Variants in SEZ6L observed in about 807,000 individuals in gnomAD.
SEZ6L encodes seizure related 6 homolog like.
SEZ6L carries 37 observed loss-of-function variants against 106.2 expected under a neutral mutation model. The ratio of observed to expected loss-of-function variants is 0.35; its 90% CI spans 0.27 to 0.46. SEZ6L has a LOEUF of 0.46. Among genes scored for constraint, SEZ6L ranks in the 20% least tolerant of loss-of-function variants. SEZ6L has a pLI of 1.00. For synonymous variants in SEZ6L, 541 were observed against 570.4 expected (o/e 0.95, Z 0.73); for missense variants, 1,172 against 1,332.8 (o/e 0.88, Z 1.88).
chr22:26,253,362 C>A (rs2079676257), intron 1 of SEZ6L, among the ~76,000 whole-genome samples: 1 of 152,188 alleles, frequency 6.6e-6, no homozygotes, highest in South Asian at 2.1e-4. Context: ...GGTACTGCTG[C>A]TGCTGCTGAT....
At chr22:26,280,518 T>G (rs2145857567) in intron 1 of SEZ6L, among the ~76,000 whole-genome samples, 1 of 152,306 alleles carries the variant, frequency 6.6e-6, no homozygotes, top group South Asian at 2.1e-4. Flanking sequence ...TGCACCTTGG[T>G]TTTTGTTTTC....
chr22:26,364,304 A>C (rs1009424098), intron 12 of SEZ6L, among the ~76,000 whole-genome samples: 8 of 152,110 alleles, frequency 5.3e-5, no homozygotes, highest in African/African-American at 1.9e-4. Flanking sequence ...TTAAACCTGC[A>C]GGTTCAACTC....
At chr22:26,257,111 A>T (rs907451960) in intron 1 of SEZ6L, among the ~76,000 whole-genome samples, 1 of 152,200 alleles carries the variant, frequency 6.6e-6, no homozygotes, top group Non-Finnish European at 1.5e-5. Flanking sequence ...TACTGCTGGC[A>T]TCTAGAGGGT....
rs134759 is a variant in SEZ6L, at chr22:26,177,274, G to T, written c.94+7511G>T. Among the ~76,000 whole-genome samples, 3 of 152,032 alleles carry T rather than the reference G, an allele frequency of 2.0e-5. No individual in the cohort carries two copies. The South Asian group carries it at 6.2e-4, about 32-fold the overall frequency. On this transcript the variant is annotated intron_variant, in intron 1 of 16. Coordinates refer to ENST00000248933, the MANE Select transcript of SEZ6L (RefSeq NM_021115.5). ...GAAAACCAATGAGATAATAGATGTG[G>T]AATCACTAAGTAACTCTACAAAAAA... is the stretch of plus-strand genomic sequence containing the variant.
In SEZ6L at chr22:26,250,633, T is replaced by A. The variant is rs2079542644; in HGVS notation, c.95-41773T>A. Among the ~76,000 whole-genome samples, 5 of 152,368 alleles carry A rather than the reference T, an allele frequency of 3.3e-5. No individual in the cohort carries two copies. In the South Asian group the frequency reaches 1.0e-3, roughly 32 times the overall value. ...TTTGTTCTTTTTGCTCAGGATTGCT[T>A]TGGCTATTCGGGATCTTTTGTGCTT... On this transcript the variant is annotated intron_variant, in intron 1 of 16. Coordinates refer to ENST00000248933, the MANE Select transcript of SEZ6L (RefSeq NM_021115.5).
intron 1 of SEZ6L, among the ~76,000 whole-genome samples, chr22:26,178,203 T>C (rs907261072): frequency 1.3e-5 from 2 of 152,198 alleles, no homozygotes; most frequent in African/African-American, 4.8e-5. Context: ...AATCAAGCCA[T>C]AGCTCCCTCC....
At chr22:26,213,552 C>A (rs2078219525) in intron 1 of SEZ6L, among the ~76,000 whole-genome samples, 1 of 152,230 alleles carries the variant, frequency 6.6e-6, no homozygotes, top group South Asian at 2.1e-4. Context: ...CCGGGGCTAT[C>A]CCTGCAAGTT....
intron 12 of SEZ6L, among the ~76,000 whole-genome samples, chr22:26,353,328 G>GT (rs1199404731): frequency 6.6e-6 from 1 of 152,132 alleles, no homozygotes; most frequent in African/African-American, 2.4e-5. Flanking sequence ...TTTTGTGTAT[G>GT]TGTGTGTATA....
chr22:26,213,953 G>A (rs2078230562), intron 1 of SEZ6L, among the ~76,000 whole-genome samples: 1 of 152,202 alleles, frequency 6.6e-6, no homozygotes, highest in Non-Finnish European at 1.5e-5. Flanking sequence ...AAGATCTTGA[G>A]CAAGGATGGA....
chr22:26,301,213 G>GC (rs2081443420), intron 5 of SEZ6L, among the ~76,000 whole-genome samples: 1 of 152,224 alleles, frequency 6.6e-6, no homozygotes, highest in Non-Finnish European at 1.5e-5. Flanking sequence ...GTGCCCTCTA[G>GC]TAAAAAGAAG....
chr22:26,291,040 G>A (rs2081091287), intron 1 of SEZ6L, among the ~76,000 whole-genome samples: 1 of 152,162 alleles, frequency 6.6e-6, no homozygotes, highest in African/African-American at 2.4e-5. Flanking sequence ...TCAAAGATCT[G>A]GAACCAGAAA....
intron 9 of SEZ6L, among the ~76,000 whole-genome samples, chr22:26,327,330 C>A (rs368602679): frequency 3.6e-5 from 4 of 112,024 alleles, no homozygotes; most frequent in East Asian, 2.5e-4. Flanking sequence ...CCACACACAC[C>A]CCCACACACA....
chr22:26,250,479 T>C (rs954874398), intron 1 of SEZ6L, among the ~76,000 whole-genome samples: 2 of 152,214 alleles, frequency 1.3e-5, no homozygotes, highest in African/African-American at 2.4e-5. Flanking sequence ...TGTAAATACA[T>C]GGATTCATTT....
At chr22:26,217,873 T>C (rs1388479597) in intron 1 of SEZ6L, among the ~76,000 whole-genome samples, 3 of 152,256 alleles carry the variant, frequency 2.0e-5, no homozygotes, top group Non-Finnish European at 2.9e-5. Context: ...CTTTCTTTCA[T>C]GAGAGTTGAA....
chr22:26,231,219 G>A (rs1426924285), intron 1 of SEZ6L, among the ~76,000 whole-genome samples: 2 of 152,208 alleles, frequency 1.3e-5, no homozygotes, highest in East Asian at 1.9e-4. Flanking sequence ...AAATTAAGGG[G>A]TGGTTTATGC....
Position 26,313,714 on chromosome 22 carries a change from T to A in SEZ6L, c.1877-50T>A, listed in dbSNP as rs761876549. The stretch of plus-strand genomic sequence containing the variant: ...CACATGGTTAGCCGCTATGCCACAT[T>A]GACTTCTTTACAAATAAAGTCCGTC... On this transcript the variant is annotated intron_variant, in intron 8 of 16. Transcript: ENST00000248933. 5.7e-6 allele frequency: 9 copies of A among 1,587,392 alleles called. No individual in the cohort carries two copies. In the African/African-American group the frequency reaches 1.2e-4, roughly 21 times the overall value.
intron 9 of SEZ6L, among the ~76,000 whole-genome samples, chr22:26,336,378 C>T (rs2082645273): frequency 6.6e-6 from 1 of 152,220 alleles, no homozygotes; most frequent in Admixed American, 6.5e-5. Context: ...CATCAATCCC[C>T]TCTTCGTTGA....
intron 5 of SEZ6L, among the ~76,000 whole-genome samples, chr22:26,299,526 G>C (rs1017319936): frequency 2.0e-5 from 3 of 152,052 alleles, no homozygotes; most frequent in Non-Finnish European, 4.4e-5. Context: ...TGTCTCTGTG[G>C]ATTTATCTAT....
intron 3 of SEZ6L, 89 bp downstream of exon 3, chr22:26,294,514 A>T: frequency 1.4e-6 from 2 of 1,405,522 alleles, no homozygotes; most frequent in Non-Finnish European, 2.0e-6. Flanking sequence ...TGTTATGCTA[A>T]CTAGTTTGGT....
Sources: allele counts gnomAD v4.1 joint callset (sites outside exome capture counted in the v4.1 genomes callset), GRCh38; gene constraint gnomAD v4.1.1; transcripts MANE v1.5; gene names NCBI Gene and HGNC (gene_info 2026-07-23, HGNC 2026-07-21).